COL22A1: variants seen among roughly 807,000 people sequenced by gnomAD.
The protein encoded by COL22A1 is collagen alpha-1(XXII) chain.
In COL22A1, 221 loss-of-function variants were observed where a neutral mutation model predicts 248.9. The observed-to-expected ratio is 0.89, with a 90% CI of 0.80 to 0.99. COL22A1 has a LOEUF of 0.99. Ranked by LOEUF, COL22A1 falls within the 50% of genes least tolerant of loss-of-function variation. COL22A1 has a pLI of 0.00. For synonymous variants in COL22A1, 891 were observed against 793.4 expected, an observed-to-expected ratio of 1.12 and a Z score of -2.07; for missense variants, 2,240 against 2,179.0, an observed-to-expected ratio of 1.03 and a Z score of -0.56.
intron 22 of COL22A1, among the ~76,000 whole-genome samples, chr8:138,744,560 C>T (rs1404422476): frequency 1.3e-5 from 2 of 152,146 alleles, no homozygotes; most frequent in African/African-American, 4.8e-5. Flanking sequence ...AGGCAGATCT[C>T]ATGCCCCAGG....
At position 138,598,852 on chromosome 8, in the gene COL22A1, C is replaced by A; in HGVS notation, c.4232G>T (p.Gly1411Val). Reference sequence around the variant, plus strand: ...TGGGATTCCAGGGTCCCCAGGCTGGCCTTTTCCACCAGGAGGTCCTTTGTC... The same window carrying A: ...TGGGATTCCAGGGTCCCCAGGCTGGACTTTTCCACCAGGAGGTCCTTTGTC... ...KGDKGPPGGK[G>V]QPGDPGIPGH... is the part of the protein sequence containing the mutation. Residue 1411 changes from glycine to valine, a missense_variant, in exon 61 of 65, where the codon GGC (glycine) becomes GTC (valine). Gly to Val is a moderately radical substitution (Grantham distance 109). Transcript: ENST00000303045. The A allele has an allele frequency of 6.2e-7, 1 of 1,614,128 alleles. No individual in the cohort carries two copies. The highest frequency in any genetic ancestry group is 1.1e-5 in the South Asian group (1 of 91,090).
chr8:138,809,377 C>G (rs1332714924), intron 9 of COL22A1, among the ~76,000 whole-genome samples: 1 of 152,060 alleles, frequency 6.6e-6, no homozygotes, highest in African/African-American at 2.4e-5. Context: ...TGCTTAATGT[C>G]TATGGTTAGA....
At chr8:138,778,555 C>T in intron 14 of COL22A1, 149 bp from the exon 15 acceptor site, 1 of 651,860 alleles carries the variant, frequency 1.5e-6, no homozygotes, top group Admixed American at 3.3e-5. Flanking sequence ...ACAGGTCTCG[C>T]CAGCAGACAC....
intron 56 of COL22A1, among the ~76,000 whole-genome samples, chr8:138,611,471 C>G (rs1278838290): frequency 1.3e-5 from 2 of 152,202 alleles, no homozygotes; most frequent in East Asian, 3.9e-4. Context: ...CAGAACCACC[C>G]CACTCCTGGG....
intron 2 of COL22A1, among the ~76,000 whole-genome samples, chr8:138,882,571 C>T (rs189905680): frequency 4.0e-4 from 9 of 22,512 alleles, no homozygotes; most frequent in African/African-American, 1.7e-3. Context: ...CACTCCCACA[C>T]ACTCCCACAC....
intron 1 of COL22A1, among the ~76,000 whole-genome samples, chr8:138,884,073 C>A (rs1824455992): frequency 6.6e-6 from 1 of 152,146 alleles, no homozygotes; most frequent in Non-Finnish European, 1.5e-5. Flanking sequence ...CTCCCTTTGC[C>A]CCCCTGGGAG....
intron 30 of COL22A1, among the ~76,000 whole-genome samples, chr8:138,707,448 T>G (rs965370226): frequency 6.6e-6 from 1 of 152,120 alleles, no homozygotes; most frequent in Non-Finnish European, 1.5e-5. Context: ...ATGATCAAAT[T>G]GGCTTCATCC....
intron 38 of COL22A1, among the ~76,000 whole-genome samples, chr8:138,684,970 A>G (rs7817095): frequency 1.3e-5 from 2 of 152,146 alleles, no homozygotes; most frequent in African/African-American, 4.8e-5. Context: ...AGATGGGAGC[A>G]TCTCCAGGGC....
chr8:138,879,712 A>AAAAAAAAG, intron 2 of COL22A1, among the ~76,000 whole-genome samples: 1 of 83,216 alleles, frequency 1.2e-5, no homozygotes, highest in Non-Finnish European at 2.5e-5. Flanking sequence ...AAAAAAAAAA[A>AAAAAAAAG]AAGAAGAAGA....
rs966342777 is a variant in COL22A1 at position 138,724,756 on chromosome 8, C to A, written c.2194-88G>T. ...ACCTCTTTCCTGGCATGGGCCCAGG[C>A]CTCTGGGTCTGAGGAGGGCACCCTG... On this transcript the variant is annotated intron_variant, in intron 24 of 64. Coordinates refer to ENST00000303045, the MANE Select transcript of COL22A1 (RefSeq NM_152888.3). The A allele has an allele frequency of 4.4e-6, 6 of 1,351,002 alleles. No individual in the cohort carries two copies. In the African/African-American group the frequency reaches 5.7e-5, roughly 13 times the overall value. 83.7% of individuals were successfully genotyped at this position (1,351,002 alleles called of 1,614,324 possible). A position where few individuals can be genotyped will look rare whatever the true frequency, so the allele number is the denominator to read the frequency against.
At chr8:138,708,963 C>CA (rs1563646689) in intron 30 of COL22A1, among the ~76,000 whole-genome samples, 1 of 152,026 alleles carries the variant, frequency 6.6e-6, no homozygotes, top group Non-Finnish European at 1.5e-5. Context: ...AAAACCCCAT[C>CA]AAAAATGGGC....
At chr8:138,902,490 G>A (rs1332442112) in intron 1 of COL22A1, among the ~76,000 whole-genome samples, 1 of 151,986 alleles carries the variant, frequency 6.6e-6, no homozygotes, top group Non-Finnish European at 1.5e-5. Flanking sequence ...GAGGTCAGGA[G>A]ATCGAGACCA....
intron 12 of COL22A1, among the ~76,000 whole-genome samples, chr8:138,796,593 T>C (rs558128473): frequency 1.8e-4 from 28 of 152,078 alleles, no homozygotes; most frequent in African/African-American, 6.5e-4. Context: ...CAACCACCAT[T>C]TTACCATTTT....
chr8:138,620,813 T>G lies in COL22A1; in HGVS notation c.3772-1305A>C, dbSNP rs76228567. On this transcript the variant is annotated intron_variant, in intron 52 of 64. Transcript: ENST00000303045. Reference sequence around the variant, plus strand: ...GCATTTTGGTTCCAGAGTCTGCACTTCATCCTACAGTATAATTAATGCTCA... The same window carrying G: ...GCATTTTGGTTCCAGAGTCTGCACTGCATCCTACAGTATAATTAATGCTCA... 3.7e-3 allele frequency among the ~76,000 whole-genome samples: 569 copies of G among 152,348 alleles called. 2 individuals carry two copies. Among genetic ancestry groups the G allele is most frequent in the African/African-American group, 0.013 (527 of 41,588 alleles).
chr8:138,710,671 C>T (rs1828887791), intron 30 of COL22A1, among the ~76,000 whole-genome samples: 1 of 151,778 alleles, frequency 6.6e-6, no homozygotes, highest in East Asian at 1.9e-4. Flanking sequence ...AATGAACCTG[C>T]CCTAAGTCAC....
At chr8:138,612,123 G>C (rs897200700) in intron 56 of COL22A1, among the ~76,000 whole-genome samples, 5 of 151,000 alleles carry the variant, frequency 3.3e-5, no homozygotes, top group Non-Finnish European at 7.4e-5. Context: ...TACACAAAAT[G>C]CTTCTAACAG....
intron 47 of COL22A1, among the ~76,000 whole-genome samples, chr8:138,643,332 T>A (rs576889129): frequency 6.6e-6 from 1 of 152,272 alleles, no homozygotes; most frequent in African/African-American, 2.4e-5. Flanking sequence ...GTCAAAACCA[T>A]CTAAATCTTC....
chr8:138,713,363 G>T (rs1306530044), intron 30 of COL22A1, among the ~76,000 whole-genome samples: 1 of 152,118 alleles, frequency 6.6e-6, no homozygotes, highest in Non-Finnish European at 1.5e-5. Context: ...TAAACTGGGG[G>T]TTAAGACGAA....
chr8:138,639,275 T>C (rs1254891740), intron 47 of COL22A1, among the ~76,000 whole-genome samples: 1 of 152,188 alleles, frequency 6.6e-6, no homozygotes, highest in Non-Finnish European at 1.5e-5. Flanking sequence ...CTAATCCAGA[T>C]CCATTTGTCT....
Sources: gnomAD v4.1 joint callset for allele counts (sites outside exome capture counted in the v4.1 genomes callset) on GRCh38, gnomAD v4.1.1 for gene constraint, MANE v1.5 for transcripts, NCBI Gene and HGNC (gene_info 2026-07-23, HGNC 2026-07-21) for gene names.